The following ST3GAL1 variants were observed in gnomAD, a reference collection of about 807,000 sequenced individuals.
The protein encoded by ST3GAL1 is ST3 beta-galactoside alpha-2,3-sialyltransferase 1.
In ST3GAL1, 16 loss-of-function variants were observed where a neutral mutation model predicts 34.1. The observed-to-expected ratio is 0.47, with a 90% CI of 0.32 to 0.71. The LOEUF (loss-of-function observed/expected upper bound fraction) is 0.71, where lower values mean the gene tolerates loss of function less well. Among genes scored for constraint, ST3GAL1 ranks in the 30% least tolerant of loss-of-function variants. ST3GAL1 has a pLI of 0.04. For synonymous variants in ST3GAL1, 191 were observed against 184.7 expected (o/e 1.03, Z -0.28); for missense variants, 353 against 447.4 (o/e 0.79, Z 1.90).
At chr8:133,474,451 G>C (rs942124001) in intron 5 of ST3GAL1, among the ~76,000 whole-genome samples, 1 of 152,304 alleles carries the variant, frequency 6.6e-6, no homozygotes, top group Middle Eastern at 3.4e-3. Context: ...GATCTATTTT[G>C]CATTTAACAT....
chr8:133,531,504 CTT>C (rs763135303), intron 2 of ST3GAL1, among the ~76,000 whole-genome samples: 9 of 152,130 alleles, frequency 5.9e-5, no homozygotes, highest in Non-Finnish European at 1.0e-4. Flanking sequence ...AGTGAAATCT[CTT>C]GTCTATGGTA....
intron 2 of ST3GAL1, among the ~76,000 whole-genome samples, chr8:133,520,811 G>A (rs533279831): frequency 8.6e-5 from 12 of 139,258 alleles, no homozygotes; most frequent in Middle Eastern, 4.1e-3. Flanking sequence ...TCACTTTGTC[G>A]TCCAGGCTAA....
At chr8:133,522,752 A>G (rs1817850400) in intron 2 of ST3GAL1, among the ~76,000 whole-genome samples, 1 of 152,164 alleles carries the variant, frequency 6.6e-6, no homozygotes, top group Non-Finnish European at 1.5e-5. Context: ...TAAGCACGTG[A>G]CACTCCACAA....
chr8:133,459,765 C>T lies in ST3GAL1; in HGVS notation c.1022G>A (p.Ter341=). ...GTCCATCCTCAGCCCTTCACTGCGT[C>T]ATCTCCCCTTGAAGATCCGGATTTT... ...INKIRIFKGR[*] is the part of the protein sequence containing the mutation. Residue 341 remains the stop codon, a stop_retained_variant, in exon 10 of 10, where the codon TGA becomes TAA. Coordinates refer to ENST00000522652, the MANE Select transcript of ST3GAL1 (RefSeq NM_173344.3). The surrounding 1 kb of genome is among the most constrained non-coding windows in gnomAD (Gnocchi z 4.7). The T allele has an allele frequency of 6.2e-7, 1 of 1,609,906 alleles. No homozygotes were observed. Among genetic ancestry groups the T allele is most frequent in the Non-Finnish European group, 8.5e-7 (1 of 1,177,356 alleles).
chr8:133,486,513 C>T (rs367732553), intron 3 of ST3GAL1, among the ~76,000 whole-genome samples: 9 of 152,236 alleles, frequency 5.9e-5, no homozygotes, highest in East Asian at 3.8e-4. Flanking sequence ...AAGGATCAGC[C>T]GTGAGGGGAG....
intron 3 of ST3GAL1, among the ~76,000 whole-genome samples, chr8:133,484,701 A>G (rs1475568996): frequency 6.6e-6 from 1 of 152,128 alleles, no homozygotes; most frequent in Non-Finnish European, 1.5e-5. Context: ...TCAGCCTAAT[A>G]AGAAACCTGG....
In ST3GAL1 at chr8:133,532,282, G is replaced by A. The variant is rs150855601; in HGVS notation, c.-429+13492C>T. Among the ~76,000 whole-genome samples, 660 of 152,142 alleles carry A rather than the reference G, an allele frequency of 4.3e-3. 2 individuals are homozygous for A. The highest frequency in any genetic ancestry group is 0.015 in the African/African-American group (619 of 41,500). The stretch of plus-strand genomic sequence containing the variant: ...AGGTCAGGAGTTCGAGACCAGCCTG[G>A]CCAACATGGTGAAACCCCATCTCTA... On this transcript the variant is annotated intron_variant, in intron 2 of 9. Transcript: ENST00000522652.
At chr8:133,513,275 G>C in intron 2 of ST3GAL1, among the ~76,000 whole-genome samples, 1 of 151,954 alleles carries the variant, frequency 6.6e-6, no homozygotes, top group Non-Finnish European at 1.5e-5. Context: ...GCCCACTCTC[G>C]CCTCTTCTCC....
intron 3 of ST3GAL1, among the ~76,000 whole-genome samples, chr8:133,482,803 T>C (rs1294060704): frequency 1.3e-5 from 2 of 152,240 alleles, no homozygotes; most frequent in Admixed American, 6.5e-5. Flanking sequence ...GAATGACTCC[T>C]TTCTGAACTG....
chr8:133,466,357 G>C lies in ST3GAL1; in HGVS notation c.307-267C>G, dbSNP rs1322993517. ...CTACCATGTGCCAGGCACTGCTGAA[G>C]CCGCTTGGGTGATCCAGCCACACCT... On this transcript the variant is annotated intron_variant, in intron 5 of 9. Coordinates refer to ENST00000522652, the MANE Select transcript of ST3GAL1 (RefSeq NM_173344.3). The surrounding 1 kb of genome is among the most constrained non-coding windows in gnomAD (Gnocchi z 4.4). 3.3e-5 allele frequency among the ~76,000 whole-genome samples: 5 copies of C among 152,186 alleles called. No individual in the cohort carries two copies. Among genetic ancestry groups the C allele is most frequent in the African/African-American group, 1.2e-4 (5 of 41,430 alleles).
chr8:133,498,268 G>A (rs376800459), intron 3 of ST3GAL1, among the ~76,000 whole-genome samples: 1 of 152,248 alleles, frequency 6.6e-6, no homozygotes, highest in African/African-American at 2.4e-5. Flanking sequence ...AGTACATGTG[G>A]ACTGCAGGGA....
chr8:133,494,990 C>T (rs1474457889), intron 3 of ST3GAL1, among the ~76,000 whole-genome samples: 1 of 144,300 alleles, frequency 6.9e-6, no homozygotes, highest in African/African-American at 2.6e-5. Flanking sequence ...ACGACCTTGG[C>T]TCACTGCAAC....
intron 2 of ST3GAL1, among the ~76,000 whole-genome samples, chr8:133,514,545 G>A (rs1308186361): frequency 6.6e-6 from 1 of 152,076 alleles, no homozygotes; most frequent in Non-Finnish European, 1.5e-5. Flanking sequence ...CCTTTCCTGG[G>A]GAGCACCTCT....
intron 2 of ST3GAL1, among the ~76,000 whole-genome samples, chr8:133,529,930 G>A (rs75925936): frequency 1.4e-5 from 2 of 144,874 alleles, no homozygotes; most frequent in African/African-American, 5.0e-5. Flanking sequence ...CCAGCCCCCT[G>A]CCCGCTCCTT....
In ST3GAL1 at chr8:133,508,536, A is replaced by C. The variant is rs567671397; in HGVS notation, c.-428-9347T>G. On this transcript the variant is annotated intron_variant, in intron 2 of 9. Coordinates refer to ENST00000522652, the MANE Select transcript of ST3GAL1 (RefSeq NM_173344.3). This position sits in a 1 kb window ranked among gnomAD's most constrained non-coding sequence, Gnocchi z 4.1. ...CCCAGACTCAGGTTCTACAGGGAGGAAACTGAGATCCCTGTTTGAGGCTGA... is the reference window on the plus strand; with the variant it reads ...CCCAGACTCAGGTTCTACAGGGAGGCAACTGAGATCCCTGTTTGAGGCTGA... Among the ~76,000 whole-genome samples the C allele has an allele frequency of 6.6e-6, 1 of 152,208 alleles. No homozygotes were observed. The highest frequency in any genetic ancestry group is 2.1e-4 in the South Asian group (1 of 4,812).
intron 1 of ST3GAL1, among the ~76,000 whole-genome samples, chr8:133,546,144 C>T (rs1245175106): frequency 6.6e-6 from 1 of 152,214 alleles, no homozygotes; most frequent in Admixed American, 6.6e-5. Context: ...CAACTCCTCT[C>T]CGCAGGGAGT....
At chr8:133,569,180 G>C (rs1586677700) in intron 1 of ST3GAL1, among the ~76,000 whole-genome samples, 1 of 152,202 alleles carries the variant, frequency 6.6e-6, no homozygotes, top group Admixed American at 6.5e-5. Flanking sequence ...TCAAGCCCAG[G>C]TCCTGGCCTT....
At chr8:133,554,705 GTT>G (rs1368440051) in intron 1 of ST3GAL1, among the ~76,000 whole-genome samples, 2 of 150,454 alleles carry the variant, frequency 1.3e-5, no homozygotes, top group African/African-American at 4.9e-5. Flanking sequence ...TCTACTTGGG[GTT>G]TTTTTATTTC....
At chr8:133,483,997 C>T (rs538387356) in intron 3 of ST3GAL1, among the ~76,000 whole-genome samples, 1 of 152,362 alleles carries the variant, frequency 6.6e-6, no homozygotes, top group Non-Finnish European at 1.5e-5. Flanking sequence ...TACACATCCG[C>T]AGGAAAGCCT....
Sources: gnomAD v4.1 joint callset for allele counts (sites outside exome capture counted in the v4.1 genomes callset) on GRCh38, gnomAD v4.1.1 for gene constraint, Gnocchi (gnomAD v3.1) non-coding constraint, MANE v1.5 for transcripts, NCBI Gene and HGNC (gene_info 2026-07-23, HGNC 2026-07-21) for gene names.